Variants in FCRL2 observed in about 807,000 individuals in gnomAD.
FCRL2 encodes Fc receptor-like protein 2.
FCRL2 carries 48 observed loss-of-function variants against 59.8 expected under a neutral mutation model. That is an observed-to-expected ratio of 0.80 (90% CI 0.64 to 1.02). FCRL2 has a LOEUF of 1.02. Among genes scored for constraint, FCRL2 ranks in the 50% least tolerant of loss-of-function variants. The pLI is 0.00. For missense variants in FCRL2, 658 were observed against 597.3 expected (o/e 1.10, Z -1.06); for synonymous variants, 251 against 229.5 (o/e 1.09, Z -0.85).
rs1196380186 is a variant in FCRL2 at position 157,770,032 on chromosome 1, G to A, written c.429C>T (p.Phe143=). 26 of 1,614,104 alleles carry A rather than the reference G, an allele frequency of 1.6e-5. No homozygotes were observed. Among genetic ancestry groups the A allele is most frequent in the Non-Finnish European group, 2.1e-5 (25 of 1,180,036 alleles). Residue 143 remains phenylalanine (F), a synonymous_variant, in exon 4 of 12, where the codon TTC becomes TTT. Coordinates refer to ENST00000361516, the MANE Select transcript of FCRL2 (RefSeq NM_030764.4). ...SPQRLDVQLQ[F]CFFRENQVLG... ...GGACCTGGTTTTCTCTGAAGAAGCAGAACTGGAGTTGAACATCCAACCTCT... is the reference window on the plus strand; with the variant it reads ...GGACCTGGTTTTCTCTGAAGAAGCAAAACTGGAGTTGAACATCCAACCTCT...
At position 157,746,590 on chromosome 1, in the gene FCRL2, C is replaced by G. The variant is rs1571242438; in HGVS notation, c.*146G>C. 1.5e-6 allele frequency: 1 copy of G among 672,402 alleles called. No individual in the cohort carries two copies. Among genetic ancestry groups the G allele is most frequent in the Non-Finnish European group, 2.6e-6 (1 of 384,036 alleles). 41.7% of individuals were successfully genotyped at this position (672,402 alleles called of 1,614,324 possible). On this transcript the variant is annotated 3_prime_UTR_variant, in exon 12 of 12. Transcript: ENST00000361516. ...GAAGATATTGGAGAAGAAACATCAT[C>G]AGGACAAAAATGACAGGAGGTGCCT...
chr1:157,749,716 A>G, intron 7 of FCRL2, 39 bp from the exon 8 acceptor site: 1 of 1,572,662 alleles, frequency 6.4e-7, no homozygotes, highest in Non-Finnish European at 8.7e-7. Flanking sequence ...TCAGAGAAGG[A>G]AGCTTTATCT....
chr1:157,757,815 A>T (rs1648715965), intron 7 of FCRL2, among the ~76,000 whole-genome samples: 1 of 152,206 alleles, frequency 6.6e-6, no homozygotes. Context: ...ACAAAAAATT[A>T]GCCAGGCGTG....
chr1:157,755,183 A>G (rs981330576), intron 7 of FCRL2, among the ~76,000 whole-genome samples: 1 of 152,184 alleles, frequency 6.6e-6, no homozygotes, highest in African/African-American at 2.4e-5. Flanking sequence ...TACCTCAGAC[A>G]AAGAGCTAAT....
At chr1:157,776,131 C>T (rs1393274328) in intron 1 of FCRL2, among the ~76,000 whole-genome samples, 2 of 152,318 alleles carry the variant, frequency 1.3e-5, no homozygotes, top group South Asian at 4.1e-4. Context: ...GGTAGATAGA[C>T]ATGACAACAC....
intron 2 of FCRL2, among the ~76,000 whole-genome samples, chr1:157,774,672 C>T (rs1650274503): frequency 6.6e-6 from 1 of 152,248 alleles, no homozygotes; most frequent in African/African-American, 2.4e-5. Flanking sequence ...TCCATCCAGA[C>T]AGACAGTGGA....
intron 7 of FCRL2, chr1:157,766,619 A>G (rs764550993): frequency 1.9e-5 from 10 of 537,548 alleles, no homozygotes; most frequent in Non-Finnish European, 3.1e-5. Context: ...GCATGGAAAG[A>G]ATGTGTAAAT....
intron 10 of FCRL2, 71 bp downstream of exon 10, chr1:157,748,482 C>A: frequency 2.8e-6 from 2 of 707,320 alleles, no homozygotes; most frequent in Non-Finnish European, 4.5e-6. Flanking sequence ...ATAAATAAAG[C>A]CTCTATTGCA....
At chr1:157,765,511 AT>A (rs774449474) in intron 7 of FCRL2, among the ~76,000 whole-genome samples, 34 of 152,226 alleles carry the variant, frequency 2.2e-4, no homozygotes, top group Non-Finnish European at 3.2e-4. Context: ...ACTGGCCAAT[AT>A]CCCTGATGAA....
intron 6 of FCRL2, 45 bp from the exon 7 acceptor site, chr1:157,767,016 G>A (rs1377488302): frequency 6.5e-7 from 1 of 1,541,668 alleles, no homozygotes; most frequent in East Asian, 2.2e-5. Flanking sequence ...TTTAAGACTT[G>A]GGCCCTTCTT....
At chr1:157,760,686 AGAAAGAAAGAAG>A (rs1207264508) in intron 7 of FCRL2, among the ~76,000 whole-genome samples, 72 of 117,182 alleles carry the variant, frequency 6.1e-4, no homozygotes, top group African/African-American at 2.3e-3. Flanking sequence ...AAGGAAAGAA[AGAAAGAAAGAAG>A]GAAAGAAAGA....
chr1:157,755,157 C>T (rs1648489961), intron 7 of FCRL2, among the ~76,000 whole-genome samples: 1 of 152,032 alleles, frequency 6.6e-6, no homozygotes, highest in East Asian at 1.9e-4. Flanking sequence ...AGACTGGGGA[C>T]ACTTTTCACT....
chr1:157,757,012 C>A (rs1648638368), intron 7 of FCRL2, among the ~76,000 whole-genome samples: 2 of 152,162 alleles, frequency 1.3e-5, no homozygotes, highest in Admixed American at 6.5e-5. Context: ...TACATCCATG[C>A]AGTAAAGGTT....
intron 7 of FCRL2, among the ~76,000 whole-genome samples, chr1:157,753,260 A>G (rs1042517192): frequency 1.3e-5 from 2 of 152,160 alleles, no homozygotes; most frequent in African/African-American, 4.8e-5. Flanking sequence ...TGCAGACCCC[A>G]TAGGTAAAGG....
intron 7 of FCRL2, among the ~76,000 whole-genome samples, chr1:157,766,066 T>G (rs1434356318): frequency 2.0e-5 from 3 of 152,212 alleles, no homozygotes; most frequent in Non-Finnish European, 4.4e-5. Context: ...TGAAGATGGC[T>G]TCTTATGATC....
chr1:157,761,521 G>A (rs1407862420), intron 7 of FCRL2, among the ~76,000 whole-genome samples: 1 of 152,144 alleles, frequency 6.6e-6, no homozygotes, highest in Non-Finnish European at 1.5e-5. Flanking sequence ...AGGTGAGAGG[G>A]TGGTTTGAGC....
At chr1:157,766,313 T>C (rs1287271237) in intron 7 of FCRL2, among the ~76,000 whole-genome samples, 5 of 151,946 alleles carry the variant, frequency 3.3e-5, no homozygotes, top group Admixed American at 6.6e-5. Flanking sequence ...CTACTAAAAA[T>C]ACAAAAAATT....
intron 4 of FCRL2, 100 bp downstream of exon 4, chr1:157,769,766 T>C: frequency 2.8e-6 from 4 of 1,427,928 alleles, no homozygotes; most frequent in Non-Finnish European, 3.8e-6. Context: ...TTCACTTTCC[T>C]CAAGGACAGG....
chr1:157,749,665 G>T lies in FCRL2; in HGVS notation c.1292C>A (p.Ala431Asp), dbSNP rs1557852590. Residue 431 changes from alanine to aspartate, a missense_variant, in exon 8 of 12, where the codon GCC becomes GAC. Ala to Asp is a moderately radical substitution (Grantham distance 126). Coordinates refer to ENST00000361516, the MANE Select transcript of FCRL2 (RefSeq NM_030764.4). ...GAGTTCTCACCTGGGTTCATTAGTG[G>T]CAGAACTTTCTCCTGAAATGCAAAT... ...LFHKISGESSATNEPRGASRP... is the reference protein window; with the variant it reads ...LFHKISGESSDTNEPRGASRP... 1.2e-6 allele frequency: 2 copies of T among 1,607,852 alleles called. No individual in the cohort carries two copies. The highest frequency in any genetic ancestry group is 1.3e-5 in the African/African-American group (1 of 74,812).
Sources: gnomAD v4.1 joint callset for allele counts (sites outside exome capture counted in the v4.1 genomes callset) on GRCh38, gnomAD v4.1.1 for gene constraint, MANE v1.5 for transcripts, NCBI Gene and HGNC (gene_info 2026-07-23, HGNC 2026-07-21) for gene names.